ELP4: variants seen among roughly 807,000 people sequenced by gnomAD.
The protein encoded by ELP4 is elongator complex protein 4.
Under a neutral mutation model 48.9 loss-of-function variants are expected in ELP4, and 51 were observed. That is an observed-to-expected ratio of 1.04 (90% CI 0.83 to 1.32). The LOEUF (loss-of-function observed/expected upper bound fraction) is 1.32, where lower values mean the gene tolerates loss of function less well. ELP4 is among the 40% of genes most tolerant of loss of function. ELP4 has a pLI of 0.00. For missense variants in ELP4, 519 were observed against 514.6 expected (o/e 1.01, Z -0.08); for synonymous variants, 210 against 189.2 (o/e 1.11, Z -0.90).
At chr11:31,587,820 G>A (rs1473021850) in intron 3 of ELP4, among the ~76,000 whole-genome samples, 1 of 151,928 alleles carries the variant, frequency 6.6e-6, no homozygotes, top group African/African-American at 2.4e-5. Context: ...TTTAAAGATA[G>A]CTTTAAAAAC....
intron 8 of ELP4, 182 bp from the exon 9 acceptor site, chr11:31,649,933 T>A (rs1945285580): frequency 2.4e-6 from 1 of 418,182 alleles, no homozygotes; most frequent in Non-Finnish European, 4.3e-6. Context: ...GTTTATCTTA[T>A]TCTGCTTGAT....
chr11:31,699,190 AGAAGT>A, intron 9 of ELP4, among the ~76,000 whole-genome samples: 1 of 152,314 alleles, frequency 6.6e-6, no homozygotes, highest in East Asian at 1.9e-4. Context: ...AAAATAAAAA[AGAAGT>A]GAAGAGGAGG....
chr11:31,767,405 T>C (rs1948063667), intron 9 of ELP4: 1 of 142,182 alleles, frequency 7.0e-6, no homozygotes, highest in Admixed American at 7.0e-5. Context: ...AAAAAAAAAT[T>C]AGCTCAAGGG....
intron 9 of ELP4, among the ~76,000 whole-genome samples, chr11:31,747,325 A>C (rs780233766): frequency 7.2e-5 from 11 of 152,164 alleles, no homozygotes; most frequent in Non-Finnish European, 1.5e-4. Context: ...AGGGCTCCAT[A>C]TAATTAGCTT....
At chr11:31,760,586 A>G (rs536378167) in intron 9 of ELP4, among the ~76,000 whole-genome samples, 139 of 152,350 alleles carry the variant, frequency 9.1e-4, no homozygotes, top group African/African-American at 3.2e-3. Flanking sequence ...ACTTTACACA[A>G]GATTCCTAAT....
At chr11:31,678,397 C>T (rs1470840389) in intron 9 of ELP4, among the ~76,000 whole-genome samples, 3 of 151,916 alleles carry the variant, frequency 2.0e-5, no homozygotes, top group Non-Finnish European at 4.4e-5. Flanking sequence ...TGCAGAGAAC[C>T]GTGGTCGCAC....
chr11:31,524,998 G>A (rs1329751029), intron 2 of ELP4, among the ~76,000 whole-genome samples: 2 of 152,088 alleles, frequency 1.3e-5, no homozygotes, highest in Non-Finnish European at 2.9e-5. Context: ...TAAAAATTCT[G>A]AGCTTTTTTC....
intron 3 of ELP4, among the ~76,000 whole-genome samples, chr11:31,546,998 A>C (rs1241164883): frequency 6.6e-6 from 1 of 152,038 alleles, no homozygotes; most frequent in Non-Finnish European, 1.5e-5. Flanking sequence ...GTGTAGAGGG[A>C]AATTTATAGC....
intron 5 of ELP4, among the ~76,000 whole-genome samples, chr11:31,617,771 TA>T (rs948795787): frequency 1.4e-5 from 2 of 146,404 alleles, no homozygotes; most frequent in African/African-American, 5.0e-5. Context: ...CAAAATGAGA[TA>T]CCACTTCACA....
chr11:31,750,478 G>C (rs1341785108), intron 9 of ELP4, among the ~76,000 whole-genome samples: 1 of 151,602 alleles, frequency 6.6e-6, no homozygotes, highest in African/African-American at 2.4e-5. Context: ...TTTCCCTCAG[G>C]CTACCTGGGA....
intron 4 of ELP4, among the ~76,000 whole-genome samples, chr11:31,602,933 A>G (rs1957808368): frequency 6.6e-6 from 1 of 151,958 alleles, no homozygotes; most frequent in African/African-American, 2.4e-5. Context: ...TATATTTTCA[A>G]TGTATTGAAT....
intron 9 of ELP4, among the ~76,000 whole-genome samples, chr11:31,672,127 A>G (rs1421028651): frequency 6.6e-6 from 1 of 151,674 alleles, no homozygotes; most frequent in Non-Finnish European, 1.5e-5. Context: ...GGGTAGGAAA[A>G]CCTCTGGATA....
chr11:31,549,562 TGTGGAAGTCAGTGTGGTGATTCCTCAGG>T (rs1316932548), intron 3 of ELP4, among the ~76,000 whole-genome samples: 3 of 151,834 alleles, frequency 2.0e-5, no homozygotes, highest in Non-Finnish European at 4.4e-5. Context: ...GTTCAACCAT[TGTGGAAGTCAGTGTGGTGATTCCTCAGG>T]GATCTAGAAC....
chr11:31,537,029 A>G (rs144720924), intron 2 of ELP4, among the ~76,000 whole-genome samples: 12 of 152,216 alleles, frequency 7.9e-5, no homozygotes, highest in Non-Finnish European at 1.6e-4. Flanking sequence ...TCATGCTTTC[A>G]TGTCCTAAGA....
chr11:31,666,649 G>A (rs1398758270), intron 9 of ELP4, among the ~76,000 whole-genome samples: 2 of 145,744 alleles, frequency 1.4e-5, no homozygotes, highest in African/African-American at 2.6e-5. Flanking sequence ...CCGAGATTGC[G>A]CCACTGCACT....
intron 9 of ELP4, among the ~76,000 whole-genome samples, chr11:31,781,083 A>T (rs1048730529): frequency 6.6e-6 from 1 of 152,150 alleles, no homozygotes; most frequent in Non-Finnish European, 1.5e-5. Flanking sequence ...CCTTATTCAT[A>T]TTACTGTATT....
chr11:31,755,774 A>T (rs1282153816), intron 9 of ELP4, among the ~76,000 whole-genome samples: 2 of 151,452 alleles, frequency 1.3e-5, no homozygotes, highest in Admixed American at 6.6e-5. Context: ...TGGACCTGGT[A>T]CCTAAAATAA....
chr11:31,687,227 G>T (rs1000549770), intron 9 of ELP4, among the ~76,000 whole-genome samples: 1 of 152,136 alleles, frequency 6.6e-6, no homozygotes, highest in Non-Finnish European at 1.5e-5. Context: ...GTGTGAATTT[G>T]TTCTAAGGAG....
At chr11:31,684,470 G>A (rs1946121216) in intron 9 of ELP4, among the ~76,000 whole-genome samples, 1 of 152,120 alleles carries the variant, frequency 6.6e-6, no homozygotes, top group Non-Finnish European at 1.5e-5. Flanking sequence ...GCCTCCCAAA[G>A]TGCTGGGATT....
Sources: gnomAD v4.1 joint callset for allele counts (sites outside exome capture counted in the v4.1 genomes callset) on GRCh38, gnomAD v4.1.1 for gene constraint, MANE v1.5 for transcripts, NCBI Gene and HGNC (gene_info 2026-07-23, HGNC 2026-07-21) for gene names.